Variants in NAA25 observed in about 807,000 individuals in gnomAD.
The protein encoded by NAA25 is N-alpha-acetyltransferase 25, NatB auxiliary subunit.
In NAA25, 30 loss-of-function variants were observed where a neutral mutation model predicts 132.5. The observed-to-expected ratio is 0.23, with a 90% confidence interval of 0.17 to 0.31. The LOEUF is 0.31. Among genes scored for constraint, NAA25 ranks in the 10% least tolerant of loss-of-function variants. The pLI is 1.00. For missense variants in NAA25, 771 were observed against 1,150.4 expected, an observed-to-expected ratio of 0.67 and a Z score of 4.77; for synonymous variants, 359 against 401.9, an observed-to-expected ratio of 0.89 and a Z score of 1.28.
At chr12:112,053,731 G>A (rs1389233204) in intron 14 of NAA25, 74 bp from the exon 15 acceptor site, 3 of 1,042,082 alleles carry the variant, frequency 2.9e-6, no homozygotes, top group East Asian at 2.7e-5. Context: ...CAAATATTAC[G>A]CTTCAAATTA....
intron 6 of NAA25, 97 bp downstream of exon 6, chr12:112,078,537 T>C: frequency 8.7e-7 from 1 of 1,146,494 alleles, no homozygotes; most frequent in South Asian, 1.4e-5. Flanking sequence ...GACCCAGCTA[T>C]CAAACTGGAA....
At chr12:112,097,840 A>C (rs1185530314) in intron 1 of NAA25, among the ~76,000 whole-genome samples, 2 of 151,946 alleles carry the variant, frequency 1.3e-5, no homozygotes, top group Non-Finnish European at 2.9e-5. Flanking sequence ...AGAACCGAGC[A>C]GACCCGGCGG....
chr12:112,051,862 G>GA (rs2078471526), intron 15 of NAA25, among the ~76,000 whole-genome samples: 1 of 152,114 alleles, frequency 6.6e-6, no homozygotes, highest in East Asian at 1.9e-4. Flanking sequence ...ATATTTGTGG[G>GA]AAAAAATTAA....
In NAA25 at chr12:112,075,731, C is replaced by T. The variant is rs1422924423; in HGVS notation, c.723G>A (p.Lys241=). Residue 241 remains lysine, a synonymous_variant, in exon 8 of 24, where the codon AAG becomes AAA. Transcript: ENST00000261745. ...CATTGCACTCTGGCCACCTGCTCAGCTTCTTGTACATAGCCATGCATTTAT... is the reference window on the plus strand; with the variant it reads ...CATTGCACTCTGGCCACCTGCTCAGTTTCTTGTACATAGCCATGCATTTAT... ...RENKCMAMYK[K]LSRWPECNAL... 1 of 1,613,944 alleles carries T rather than the reference C, an allele frequency of 6.2e-7. No individual in the cohort carries two copies. Among genetic ancestry groups the T allele is most frequent in the Admixed American group, 1.7e-5 (1 of 59,990 alleles).
At position 112,100,782 on chromosome 12, in the gene NAA25, G is replaced by A. The variant is rs1462572646; in HGVS notation, c.59-7646C>T. Among the ~76,000 whole-genome samples, 3 of 151,700 alleles carry A rather than the reference G, an allele frequency of 2.0e-5. No homozygotes were observed. In the East Asian group the frequency reaches 5.8e-4, roughly 29 times the overall value. On this transcript the variant is annotated intron_variant, in intron 1 of 23. Coordinates refer to ENST00000261745, the MANE Select transcript of NAA25 (RefSeq NM_024953.4). ...CTACAGGCGCCCGCCATCACGCCCG[G>A]AGAATTTTTTGTATTTTTAGTGGAG...
At chr12:112,041,424 G>C (rs1191351813) in intron 20 of NAA25, among the ~76,000 whole-genome samples, 2 of 151,942 alleles carry the variant, frequency 1.3e-5, no homozygotes, top group African/African-American at 4.8e-5. Context: ...TCCTGACCTC[G>C]TGATCTGCCT....
At chr12:112,064,654 T>C (rs1566014126) in intron 11 of NAA25, among the ~76,000 whole-genome samples, 1 of 152,232 alleles carries the variant, frequency 6.6e-6, no homozygotes, top group Non-Finnish European at 1.5e-5. Flanking sequence ...AAGAAACATC[T>C]TCCTGACAAG....
chr12:112,070,097 C>T (rs2078783204), intron 10 of NAA25, among the ~76,000 whole-genome samples: 4 of 152,122 alleles, frequency 2.6e-5, no homozygotes, highest in Admixed American at 2.6e-4. Context: ...CACTATACTC[C>T]AGCATGGGCA....
Position 112,029,098 on chromosome 12 carries a change from C to A in NAA25, c.*433G>T. On this transcript the variant is annotated 3_prime_UTR_variant, in exon 24 of 24. Coordinates refer to ENST00000261745, the MANE Select transcript of NAA25 (RefSeq NM_024953.4). ...GGTCTGTTCCCAGGCATGGTCTCCC[C>A]TCCACTTCTTGTGGCTCAAGGACCA... is the stretch of plus-strand genomic sequence containing the variant. 6.0e-6 allele frequency: 1 copy of A among 165,666 alleles called. No homozygotes were observed. Among genetic ancestry groups the A allele is most frequent in the East Asian group, 1.6e-4 (1 of 6,132 alleles). The allele number at this position is 165,666 out of a possible 1,614,324, so 10.3% of individuals were successfully genotyped here. A position where few individuals can be genotyped will look rare whatever the true frequency, so the allele number is the denominator to read the frequency against.
At chr12:112,091,235 T>G (rs2079124577) in intron 2 of NAA25, among the ~76,000 whole-genome samples, 2 of 144,994 alleles carry the variant, frequency 1.4e-5, no homozygotes, top group Admixed American at 7.0e-5. Flanking sequence ...CAGAAGGAGA[T>G]CCTGTCTCGA....
intron 11 of NAA25, among the ~76,000 whole-genome samples, chr12:112,064,560 T>G (rs964304887): frequency 6.6e-5 from 10 of 152,214 alleles, no homozygotes; most frequent in Non-Finnish European, 4.4e-5. Flanking sequence ...AATGCTTCTA[T>G]AGTTTCTACT....
chr12:112,092,054 C>G (rs1403480518), intron 2 of NAA25, among the ~76,000 whole-genome samples: 1 of 152,002 alleles, frequency 6.6e-6, no homozygotes, highest in East Asian at 1.9e-4. Context: ...TCCTGGCTAA[C>G]ACGGTGAAAC....
intron 3 of NAA25, among the ~76,000 whole-genome samples, chr12:112,089,857 G>A (rs945545081): frequency 2.6e-5 from 4 of 151,578 alleles, no homozygotes; most frequent in African/African-American, 9.7e-5. Flanking sequence ...GCTGGGGATG[G>A]TGGTGCATGC....
intron 1 of NAA25, among the ~76,000 whole-genome samples, chr12:112,099,740 T>G (rs914346741): frequency 2.0e-5 from 3 of 152,180 alleles, no homozygotes; most frequent in Non-Finnish European, 4.4e-5. Flanking sequence ...GTCCTGGGAT[T>G]TGTTCATCCA....
At chr12:112,085,131 G>A (rs1268298187) in intron 4 of NAA25, among the ~76,000 whole-genome samples, 1 of 152,026 alleles carries the variant, frequency 6.6e-6, no homozygotes, top group African/African-American at 2.4e-5. Context: ...TCAGGAGGCT[G>A]AGGCAGGAGA....
intron 1 of NAA25, among the ~76,000 whole-genome samples, chr12:112,104,875 C>T (rs1205783938): frequency 2.0e-5 from 3 of 151,656 alleles, no homozygotes; most frequent in Admixed American, 1.3e-4. Flanking sequence ...AAAAATTAGC[C>T]GGGCATGGTG....
At chr12:112,056,603 A>C (rs1394645503) in intron 13 of NAA25, among the ~76,000 whole-genome samples, 1 of 152,068 alleles carries the variant, frequency 6.6e-6, no homozygotes, top group Non-Finnish European at 1.5e-5. Flanking sequence ...TTCCTAAAAC[A>C]CTCAATCCTT....
chr12:112,056,521 C>A (rs75781263), intron 13 of NAA25, among the ~76,000 whole-genome samples: 8,359 of 152,224 alleles, frequency 0.055, 300 homozygotes, highest in Middle Eastern at 0.16. Context: ...GGTGCCACTG[C>A]ACTCTAGCCT....
chr12:112,042,140 T>A (rs763963625), intron 19 of NAA25, 36 bp from the exon 20 acceptor site: 1 of 1,133,300 alleles, frequency 8.8e-7, no homozygotes, highest in Admixed American at 3.3e-5. Flanking sequence ...AAACTTTCAA[T>A]TCTATTTTTA....
Sources: allele counts gnomAD v4.1 joint callset (sites outside exome capture counted in the v4.1 genomes callset), GRCh38; gene constraint gnomAD v4.1.1; transcripts MANE v1.5; gene names NCBI Gene and HGNC (gene_info 2026-07-23, HGNC 2026-07-21).